Variants in CXCL17 observed in about 807,000 individuals in gnomAD.
CXCL17 encodes the protein C-X-C motif chemokine ligand 17.
A neutral mutation model predicts 15.5 loss-of-function variants in CXCL17; 9 were observed. That is an observed-to-expected ratio of 0.58 (90% CI 0.35 to 1.01). The LOEUF (loss-of-function observed/expected upper bound fraction) is 1.01, where lower values mean the gene tolerates loss of function less well. Among genes scored for constraint, CXCL17 ranks in the 50% least tolerant of loss-of-function variants. CXCL17 has a pLI of 0.02. For missense variants in CXCL17, 133 were observed against 138.2 expected (o/e 0.96, Z 0.19); for synonymous variants, 52 against 52.3 (o/e 0.99, Z 0.02).
chr19:42,440,756 A>T (rs1311843462), intron 1 of CXCL17, among the ~76,000 whole-genome samples: 1 of 152,210 alleles, frequency 6.6e-6, no homozygotes, highest in Non-Finnish European at 1.5e-5. Flanking sequence ...GGTCCCCCTG[A>T]CTTCCAAGCT....
At chr19:42,430,001 C>T (rs2040761455) in intron 3 of CXCL17, among the ~76,000 whole-genome samples, 1 of 151,628 alleles carries the variant, frequency 6.6e-6, no homozygotes, top group African/African-American at 2.4e-5. Flanking sequence ...AATCCTATCT[C>T]TACAAAAATA....
chr19:42,438,405 TAAAATACACACAC>T (rs2040858199), intron 1 of CXCL17, among the ~76,000 whole-genome samples: 1 of 66,880 alleles, frequency 1.5e-5, no homozygotes, highest in Admixed American at 1.9e-4. Flanking sequence ...TATATATATA[TAAAATACACACAC>T]ACACACACAC....
At chr19:42,438,812 A>G (rs752682788) in intron 1 of CXCL17, among the ~76,000 whole-genome samples, 3 of 152,192 alleles carry the variant, frequency 2.0e-5, no homozygotes, top group Non-Finnish European at 2.9e-5. Flanking sequence ...AGATGTGTCT[A>G]AAGGTCACAG....
intron 3 of CXCL17, among the ~76,000 whole-genome samples, chr19:42,431,527 C>T (rs772213767): frequency 9.2e-5 from 14 of 151,874 alleles, no homozygotes; most frequent in Non-Finnish European, 2.1e-4. Context: ...TCCTGTATTT[C>T]CTTGTAAATT....
intron 3 of CXCL17, among the ~76,000 whole-genome samples, chr19:42,429,746 A>G (rs2040758146): frequency 1.3e-5 from 2 of 152,124 alleles, no homozygotes; most frequent in South Asian, 4.1e-4. Flanking sequence ...TCTACAACAC[A>G]TTTTCCAGGG....
chr19:42,434,485 G>A (rs537636263), intron 1 of CXCL17, among the ~76,000 whole-genome samples: 1 of 152,320 alleles, frequency 6.6e-6, no homozygotes, highest in African/African-American at 2.4e-5. Flanking sequence ...CTGGAGTGTA[G>A]TGGTGCAATC....
At chr19:42,434,428 G>A (rs1392355273) in intron 1 of CXCL17, among the ~76,000 whole-genome samples, 1 of 151,876 alleles carries the variant, frequency 6.6e-6, no homozygotes, top group African/African-American at 2.4e-5. Context: ...TGGGTTTTTT[G>A]TTTGTTTGTT....
At chr19:42,439,056 C>T (rs570927980) in intron 1 of CXCL17, among the ~76,000 whole-genome samples, 51 of 152,128 alleles carry the variant, frequency 3.4e-4, no homozygotes, top group African/African-American at 1.2e-3. Flanking sequence ...GAATTAGAGA[C>T]CAGCCTGGCT....
chr19:42,433,961 A>C, intron 1 of CXCL17, 105 bp from the exon 2 acceptor site: 1 of 769,438 alleles, frequency 1.3e-6, no homozygotes, highest in South Asian at 1.6e-5. Flanking sequence ...TTCCATTTTT[A>C]CTTCAAGAAT....
In CXCL17 at chr19:42,433,838, C is replaced by G. The variant is rs1415001245; in HGVS notation, c.98G>C (p.Arg33Thr). ...TCTCCTAGAAGCCTGGCCTCGGTCC[C>G]TGTGGCCTCTGGCGACCCCTGTCGG... ...SLNPGVARGH[R>T]DRGQASRRWL... Residue 33 changes from arginine (R) to threonine (T), a missense_variant, in exon 2 of 4, where the codon AGG becomes ACG. By Grantham distance (71) the Arg-to-Thr change is moderately conservative (BLOSUM62 -1). Transcript: ENST00000601181. 2.5e-6 allele frequency: 4 copies of G among 1,614,038 alleles called. No homozygotes were observed. Among genetic ancestry groups the G allele is most frequent in the Middle Eastern group, 1.6e-4 (1 of 6,062 alleles).
intron 1 of CXCL17, among the ~76,000 whole-genome samples, chr19:42,440,573 A>C (rs111263668): frequency 6.6e-6 from 1 of 152,224 alleles, no homozygotes; most frequent in East Asian, 1.9e-4. Context: ...AGCGACTTAG[A>C]AACTACTCAG....
In CXCL17 at chr19:42,433,029, A is replaced by C. The variant is rs755835942; in HGVS notation, c.209T>G (p.Leu70Arg). The change falls in exon 3 of 4, where the codon CTG becomes CGG. Residue 70 changes from leucine to arginine, a missense_variant. Leu to Arg is a moderately radical substitution (Grantham distance 102). Coordinates refer to ENST00000601181, the MANE Select transcript of CXCL17 (RefSeq NM_198477.3). ...PRRKFMTVSG[L>R]PKKQCPCDHF... Reference sequence around the variant, plus strand: ...ATCACAGGGGCACTGCTTCTTTGGCAGCCCAGACACTGTCATGAATTTTCT... The same window carrying C: ...ATCACAGGGGCACTGCTTCTTTGGCCGCCCAGACACTGTCATGAATTTTCT... The C allele has an allele frequency of 2.5e-6, 4 of 1,613,990 alleles. No individual in the cohort carries two copies. Among genetic ancestry groups the C allele is most frequent in the Non-Finnish European group, 3.4e-6 (4 of 1,180,012 alleles).
Position 42,428,873 on chromosome 19 carries a change from G to A in CXCL17, c.*11C>T, listed in dbSNP as rs200511086. 1.4e-5 allele frequency: 23 copies of A among 1,600,412 alleles called. No homozygotes were observed. The highest frequency in any genetic ancestry group is 4.4e-5 in the South Asian group (4 of 90,732). On this transcript the variant is annotated 3_prime_UTR_variant, in exon 4 of 4. Transcript: ENST00000601181. Reference sequence around the variant, plus strand: ...AGAATGTTTAATTGGAAGAGTGGGCGCTCAGAGCTCCTACAAAGGCAGAGC... The same window carrying A: ...AGAATGTTTAATTGGAAGAGTGGGCACTCAGAGCTCCTACAAAGGCAGAGC...
intron 1 of CXCL17, among the ~76,000 whole-genome samples, chr19:42,437,915 G>C (rs2040848540): frequency 1.3e-5 from 2 of 151,804 alleles, no homozygotes; most frequent in Admixed American, 6.6e-5. Context: ...ATCCACAGGG[G>C]ATGCATTCCA....
intron 1 of CXCL17, among the ~76,000 whole-genome samples, chr19:42,438,345 ACT>A: frequency 9.5e-6 from 1 of 104,884 alleles, no homozygotes; most frequent in Non-Finnish European, 1.8e-5. Flanking sequence ...GCGACAAGAG[ACT>A]CTGTCTCAAA....
rs373367817 is a variant in CXCL17, at chr19:42,442,133, G to A, written c.79+621C>T. Among the ~76,000 whole-genome samples, 7 of 152,200 alleles carry A rather than the reference G, an allele frequency of 4.6e-5. No homozygotes were observed. In the South Asian group the frequency reaches 1.5e-3, roughly 32 times the overall value. On this transcript the variant is annotated intron_variant, in intron 1 of 3. Transcript: ENST00000601181. ...GAAAAGTGTTGGGGGAGAAGGCATG[G>A]GAGCAAATCTTTGTTGAGCTAGTAT...
At chr19:42,434,892 A>G (rs891782646) in intron 1 of CXCL17, among the ~76,000 whole-genome samples, 2 of 152,046 alleles carry the variant, frequency 1.3e-5, no homozygotes, top group African/African-American at 4.8e-5. Context: ...AAATATTCCT[A>G]TGACAGGCTG....
chr19:42,429,051 G>A (rs1470460254), intron 3 of CXCL17, 70 bp from the exon 4 acceptor site: 21 of 1,248,662 alleles, frequency 1.7e-5, no homozygotes, highest in South Asian at 7.3e-5. Flanking sequence ...TTTTGGAGAC[G>A]GAGTCTTGCT....
At chr19:42,431,004 A>AT (rs1568619437) in intron 3 of CXCL17, among the ~76,000 whole-genome samples, 3 of 152,058 alleles carry the variant, frequency 2.0e-5, no homozygotes, top group Admixed American at 6.6e-5. Flanking sequence ...CGCCCGGCTA[A>AT]TTTTTTTGTA....
Sources: gnomAD v4.1 joint callset for allele counts (sites outside exome capture counted in the v4.1 genomes callset) on GRCh38, gnomAD v4.1.1 for gene constraint, MANE v1.5 for transcripts, NCBI Gene and HGNC (gene_info 2026-07-23, HGNC 2026-07-21) for gene names.